NALF1: variants seen among roughly 807,000 people sequenced by gnomAD.
NALF1 encodes the protein family with sequence similarity 155 member A.
A neutral mutation model predicts 48.4 loss-of-function variants in NALF1; 3 were observed. That is an observed-to-expected ratio of 0.06 (90% CI 0.03 to 0.16). The LOEUF is 0.16. Ranked by LOEUF, NALF1 falls within the 10% of genes least tolerant of loss-of-function variation. The pLI, the probability that NALF1 is intolerant of heterozygous loss-of-function variation, is 1.00. For missense variants in NALF1, 526 were observed against 571.5 expected (o/e 0.92, Z 0.81); for synonymous variants, 262 against 245.7 (o/e 1.07, Z -0.62).
chr13:107,674,983 G>A (rs1334210885), intron 1 of NALF1, among the ~76,000 whole-genome samples: 1 of 152,156 alleles, frequency 6.6e-6, no homozygotes, highest in Admixed American at 6.5e-5. Flanking sequence ...AGGTAGATGA[G>A]GATGTTGTGA....
At chr13:107,398,105 T>C (rs1351632617) in intron 1 of NALF1, among the ~76,000 whole-genome samples, 1 of 152,154 alleles carries the variant, frequency 6.6e-6, no homozygotes, top group Non-Finnish European at 1.5e-5. Context: ...GGCATTTTTT[T>C]CTCCACATTT....
intron 1 of NALF1, among the ~76,000 whole-genome samples, chr13:107,432,375 T>A (rs908899372): frequency 5.3e-5 from 8 of 152,140 alleles, no homozygotes; most frequent in African/African-American, 1.9e-4. Context: ...ATTACTATCA[T>A]CACAAATTTC....
At chr13:107,800,093 G>A (rs1290535747) in intron 1 of NALF1, among the ~76,000 whole-genome samples, 19 of 152,120 alleles carry the variant, frequency 1.2e-4, no homozygotes, top group Admixed American at 1.1e-3. Flanking sequence ...CGCACTTAAG[G>A]AGCATGTAGT....
chr13:107,683,956 C>G (rs1034364922), intron 1 of NALF1, among the ~76,000 whole-genome samples: 1 of 152,200 alleles, frequency 6.6e-6, no homozygotes, highest in Non-Finnish European at 1.5e-5. Flanking sequence ...TGTCCTTGCT[C>G]CACAAACTCT....
At chr13:107,592,726 A>G (rs1305379200) in intron 1 of NALF1, among the ~76,000 whole-genome samples, 2 of 151,908 alleles carry the variant, frequency 1.3e-5, no homozygotes, top group African/African-American at 4.8e-5. Context: ...AAATTCAGTA[A>G]TTATCAAGGT....
chr13:107,167,462 G>T lies in NALF1; in HGVS notation c.*3035C>A, dbSNP rs147234991. 6.6e-6 allele frequency: 1 copy of T among 152,362 alleles called. No individual in the cohort carries two copies. Among genetic ancestry groups the T allele is most frequent in the Non-Finnish European group, 1.5e-5 (1 of 68,040 alleles). 9.4% of individuals were successfully genotyped at this position (152,362 alleles called of 1,614,324 possible). A position where few individuals can be genotyped will look rare whatever the true frequency, so the allele number is the denominator to read the frequency against. ...CGTTGCCTATTTGGATCCTCTGCCT[G>T]ACCCCAGAAGAAGCTGCTTTGCTTC... On this transcript the variant is annotated 3_prime_UTR_variant, in exon 3 of 3. Transcript: ENST00000375915.
intron 1 of NALF1, among the ~76,000 whole-genome samples, chr13:107,546,508 G>A (rs1877139979): frequency 6.6e-6 from 1 of 152,130 alleles, no homozygotes; most frequent in African/African-American, 2.4e-5. Context: ...GTAGATTCAA[G>A]TTCTACATTG....
intron 1 of NALF1, among the ~76,000 whole-genome samples, chr13:107,222,226 G>T (rs748958007): frequency 6.6e-6 from 1 of 151,898 alleles, no homozygotes; most frequent in Non-Finnish European, 1.5e-5. Flanking sequence ...TTCTGGTCCC[G>T]GTCTTAAGAC....
At chr13:107,453,643 T>A (rs1469368690) in intron 1 of NALF1, among the ~76,000 whole-genome samples, 3 of 152,236 alleles carry the variant, frequency 2.0e-5, no homozygotes, top group Non-Finnish European at 4.4e-5. Flanking sequence ...TGTCTTGATA[T>A]TTAACATTTA....
intron 1 of NALF1, among the ~76,000 whole-genome samples, chr13:107,731,055 G>A (rs923472812): frequency 6.6e-6 from 1 of 152,156 alleles, no homozygotes; most frequent in South Asian, 2.1e-4. Flanking sequence ...TGTTCAGACA[G>A]TATCAATTAC....
chr13:107,854,558 A>T (rs1445847231), intron 1 of NALF1, among the ~76,000 whole-genome samples: 1 of 152,198 alleles, frequency 6.6e-6, no homozygotes, highest in African/African-American at 2.4e-5. Context: ...GGTTAAATTT[A>T]TTACCCATGC....
chr13:107,388,776 A>G (rs1301170553), intron 1 of NALF1, among the ~76,000 whole-genome samples: 2 of 152,120 alleles, frequency 1.3e-5, no homozygotes, highest in Non-Finnish European at 1.5e-5. Flanking sequence ...AAGGGCATCA[A>G]TCCAGGAAAC....
At chr13:107,536,125 T>G (rs1408221802) in intron 1 of NALF1, among the ~76,000 whole-genome samples, 1 of 152,166 alleles carries the variant, frequency 6.6e-6, no homozygotes, top group Non-Finnish European at 1.5e-5. Context: ...ATAAAAATCC[T>G]AGAAGAAAAC....
rs954607136 is a variant in NALF1 at position 107,599,246 on chromosome 13, C to T, written c.915+266436G>A. Among the ~76,000 whole-genome samples the T allele has an allele frequency of 2.6e-5, 4 of 151,946 alleles. No individual in the cohort carries two copies. The East Asian group carries it at 7.8e-4, about 29-fold the overall frequency. On this transcript the variant is annotated intron_variant, in intron 1 of 2. Transcript: ENST00000375915. ...CCATCCTGGCTAACACGGTGAAACC[C>T]CGTCTCTACCAAAAAAATACAAAAA...
At chr13:107,780,269 A>G (rs78382343) in intron 1 of NALF1, among the ~76,000 whole-genome samples, 2,773 of 151,900 alleles carry the variant, frequency 0.018, 97 homozygotes, top group African/African-American at 0.063. Flanking sequence ...TCCGTATTTC[A>G]GCTCCCACCC....
chr13:107,639,331 C>T (rs1880083547), intron 1 of NALF1, among the ~76,000 whole-genome samples: 1 of 152,056 alleles, frequency 6.6e-6, no homozygotes, highest in Non-Finnish European at 1.5e-5. Context: ...AAACGCATCT[C>T]TCAACAAACT....
At chr13:107,337,073 AAAAAT>A (rs1161803171) in intron 1 of NALF1, among the ~76,000 whole-genome samples, 12 of 120,596 alleles carry the variant, frequency 1.0e-4, no homozygotes, top group Non-Finnish European at 1.7e-4. Flanking sequence ...AAAAAAAAAA[AAAAAT>A]GTCAGAAGAA....
chr13:107,362,691 G>T lies in NALF1; in HGVS notation c.916-151936C>A, dbSNP rs1258803887. On this transcript the variant is annotated intron_variant, in intron 1 of 2. Coordinates refer to ENST00000375915, the MANE Select transcript of NALF1 (RefSeq NM_001080396.3). The surrounding 1 kb of genome is among the most constrained non-coding windows in gnomAD (Gnocchi z 4.6). ...GGACCTCAACATATTTTGCTGGGGG[G>T]ACACAATTCTACCACCGACAAGTGT... Among the ~76,000 whole-genome samples, 2 of 151,990 alleles carry T rather than the reference G, an allele frequency of 1.3e-5. No homozygotes were observed. The highest frequency in any genetic ancestry group is 1.9e-4 in the East Asian group (1 of 5,174).
At chr13:107,813,993 G>C (rs1334640051) in intron 1 of NALF1, among the ~76,000 whole-genome samples, 3 of 152,090 alleles carry the variant, frequency 2.0e-5, no homozygotes, top group Non-Finnish European at 4.4e-5. Flanking sequence ...GGCATGAGAA[G>C]ATAATAGGGG....
Sources: allele counts gnomAD v4.1 joint callset (sites outside exome capture counted in the v4.1 genomes callset), GRCh38; gene constraint gnomAD v4.1.1; non-coding constraint Gnocchi (gnomAD v3.1); transcripts MANE v1.5; gene names NCBI Gene and HGNC (gene_info 2026-07-23, HGNC 2026-07-21).